Variants in STRIP2 observed in about 807,000 individuals in gnomAD.
The protein encoded by STRIP2 is striatin-interacting protein 2.
In STRIP2, 84 loss-of-function variants were observed where a neutral mutation model predicts 107.1. The observed-to-expected ratio is 0.78, with a 90% CI of 0.66 to 0.94. The LOEUF (loss-of-function observed/expected upper bound fraction) is 0.94. Ranked by LOEUF, STRIP2 falls within the 40% of genes least tolerant of loss-of-function variation. The probability of loss-of-function intolerance (pLI) is 0.00; values close to 1 mark genes in which losing one functional copy is unlikely to be tolerated. For missense variants in STRIP2, 888 were observed against 1,034.2 expected, an observed-to-expected ratio of 0.86 and a Z score of 1.94; for synonymous variants, 394 against 400.4, an observed-to-expected ratio of 0.98 and a Z score of 0.19.
intron 2 of STRIP2, among the ~76,000 whole-genome samples, chr7:129,443,461 T>G (rs1253172827): frequency 6.7e-6 from 1 of 149,618 alleles, no homozygotes; most frequent in Non-Finnish European, 1.5e-5. Context: ...TTCTCTAGAG[T>G]TTTTTTTGCA....
At chr7:129,472,775 C>T (rs79719343) in intron 18 of STRIP2, among the ~76,000 whole-genome samples, 40 of 68,798 alleles carry the variant, frequency 5.8e-4, no homozygotes, top group Admixed American at 1.9e-3. Flanking sequence ...CTTTTCTTTT[C>T]CTTTTTTTTT....
At chr7:129,459,725 G>A in intron 12 of STRIP2, 145 bp downstream of exon 12, 1 of 589,986 alleles carries the variant, frequency 1.7e-6, no homozygotes, top group Non-Finnish European at 3.0e-6. Flanking sequence ...TGGCCAAATA[G>A]GAAAAATTAG....
chr7:129,457,118 A>AG (rs1292398338), intron 9 of STRIP2, among the ~76,000 whole-genome samples: 1 of 151,988 alleles, frequency 6.6e-6, no homozygotes, highest in East Asian at 1.9e-4. Flanking sequence ...ATGACTGGGT[A>AG]GGGGTCTATG....
At chr7:129,438,641 G>T (rs1006978295) in intron 1 of STRIP2, among the ~76,000 whole-genome samples, 2 of 152,098 alleles carry the variant, frequency 1.3e-5, no homozygotes, top group African/African-American at 4.8e-5. Context: ...CCTAGAATTA[G>T]CACAGACCCC....
Position 129,434,662 on chromosome 7 carries a change from C to A in STRIP2, c.129+61C>A, listed in dbSNP as rs1797681715. 2.8e-6 allele frequency: 4 copies of A among 1,417,150 alleles called. 1 individual carries two copies. The East Asian group carries it at 1.2e-4, about 42-fold the overall frequency. The allele number at this position is 1,417,150 out of a possible 1,614,324, so 87.8% of individuals were successfully genotyped here. ...GACGCCCGCCGGCGGGAAGCGGCGGCTGAGGTGATTCGGCCTCGGCCCCGG... is the reference window on the plus strand; with the variant it reads ...GACGCCCGCCGGCGGGAAGCGGCGGATGAGGTGATTCGGCCTCGGCCCCGG... On this transcript the variant is annotated intron_variant, in intron 1 of 20. Coordinates refer to ENST00000249344, the MANE Select transcript of STRIP2 (RefSeq NM_020704.3).
At chr7:129,485,511 C>G (rs10500117) in intron 20 of STRIP2, 68 bp from the exon 21 acceptor site, 582,292 of 1,570,056 alleles carry the variant, frequency 0.37, 112,044 homozygotes, top group East Asian at 0.62. Context: ...TCCCATAGAC[C>G]ATGCTCTGTG....
At chr7:129,437,840 C>G (rs1050243930) in intron 1 of STRIP2, among the ~76,000 whole-genome samples, 3 of 144,692 alleles carry the variant, frequency 2.1e-5, no homozygotes, top group Non-Finnish European at 4.5e-5. Flanking sequence ...GAGTCTCACT[C>G]TGTCACCCAG....
At chr7:129,478,856 T>C (rs1799040999) in intron 18 of STRIP2, among the ~76,000 whole-genome samples, 1 of 152,202 alleles carries the variant, frequency 6.6e-6, no homozygotes, top group African/African-American at 2.4e-5. Context: ...ATATTATTCT[T>C]TGAGATACTG....
chr7:129,480,813 G>C lies in STRIP2; in HGVS notation c.1973G>C (p.Trp658Ser). Residue 658 changes from tryptophan to serine, a missense_variant, in exon 19 of 21, where the codon TGG (tryptophan) becomes TCG (serine). Trp to Ser is a radical substitution (Grantham distance 177). Transcript: ENST00000249344. ...GCTGGAGACAACAGCCAGTTCTGCT[G>C]GAGGAACCTCTTTTCCTGCATCAAC... ...LEAGDNSQFC[W>S]RNLFSCINLL... is the part of the protein sequence containing the mutation. The C allele has an allele frequency of 6.2e-7, 1 of 1,613,950 alleles. No individual in the cohort carries two copies. Among genetic ancestry groups the C allele is most frequent in the Non-Finnish European group, 8.5e-7 (1 of 1,179,932 alleles).
chr7:129,485,567 T>C lies in STRIP2; in HGVS notation c.2255-12T>C, dbSNP rs1368947077. 2 of 1,613,616 alleles carry C rather than the reference T, an allele frequency of 1.2e-6. No individual in the cohort carries two copies. Among genetic ancestry groups the C allele is most frequent in the Non-Finnish European group, 8.5e-7 (1 of 1,179,792 alleles). On this transcript the variant is annotated splice_polypyrimidine_tract_variant and intron_variant, in intron 20 of 20. Coordinates refer to ENST00000249344, the MANE Select transcript of STRIP2 (RefSeq NM_020704.3). ...CATTGTATGTCTTCTTCTTCCTCTC[T>C]TTCCAACACAGACATCGATGCCAGA...
chr7:129,434,527 A>T lies in STRIP2; in HGVS notation c.55A>T (p.Asn19Tyr), dbSNP rs1181437382. The stretch of plus-strand genomic sequence containing the variant: ...GGGCCCGCCCGCAAATGGCAATGGC[A>T]ACGGCGGCGGCAAAGGGAAGCAGGC... ...TGGPPANGNG[N>Y]GGGKGKQAAP... The change falls in exon 1 of 21, where the codon AAC becomes TAC. Residue 19 changes from asparagine to tyrosine, a missense_variant. By Grantham distance (143) the Asn-to-Tyr change is moderately radical (BLOSUM62 -2). Coordinates refer to ENST00000249344, the MANE Select transcript of STRIP2 (RefSeq NM_020704.3). 1 of 1,518,668 alleles carries T rather than the reference A, an allele frequency of 6.6e-7. No individual in the cohort carries two copies. Among genetic ancestry groups the T allele is most frequent in the Admixed American group, 2.0e-5 (1 of 49,966 alleles). 94.1% of individuals were successfully genotyped at this position (1,518,668 alleles called of 1,614,324 possible). A position where few individuals can be genotyped will look rare whatever the true frequency, so the allele number is the denominator to read the frequency against.
Position 129,483,448 on chromosome 7 carries a change from G to A in STRIP2, c.2254+402G>A. ...ATTTATGCCATATTTGTACTATGCA[G>A]AAATTGCCACCATTAACATCTTATT... On this transcript the variant is annotated intron_variant, in intron 20 of 20. Coordinates refer to ENST00000249344, the MANE Select transcript of STRIP2 (RefSeq NM_020704.3). This position sits in a 1 kb window ranked among gnomAD's most constrained non-coding sequence, Gnocchi z 5.1. The A allele has an allele frequency of 1.9e-6, 1 of 528,650 alleles. No individual in the cohort carries two copies. Among genetic ancestry groups the A allele is most frequent in the East Asian group, 1.3e-4 (1 of 7,706 alleles). 32.7% of individuals were successfully genotyped at this position (528,650 alleles called of 1,614,324 possible).
intron 2 of STRIP2, among the ~76,000 whole-genome samples, 188 bp from the exon 3 acceptor site, chr7:129,443,836 G>C (rs1797964825): frequency 6.6e-6 from 1 of 152,236 alleles, no homozygotes; most frequent in Admixed American, 6.5e-5. Context: ...GGACAGGTTT[G>C]ATGGTTTAAT....
At chr7:129,477,207 G>GGAGGGAGAGGGGGAGGGGGAGGGA (rs1379308837) in intron 18 of STRIP2, among the ~76,000 whole-genome samples, 1 of 7,924 alleles carries the variant, frequency 1.3e-4, no homozygotes, top group African/African-American at 1.7e-4. Context: ...AGGGGGAGGG[G>GGAGGGAGAGGGGGAGGGGGAGGGA]GAGGGGGAGG....
chr7:129,448,055 A>G (rs1352292277), intron 3 of STRIP2, among the ~76,000 whole-genome samples: 2 of 152,188 alleles, frequency 1.3e-5, no homozygotes, highest in African/African-American at 4.8e-5. Context: ...CCACCATAGT[A>G]ACGCTCACCC....
rs544536095 is a variant in STRIP2 at position 129,486,996 on chromosome 7, C to CT, written c.*1201dup. ...TTTCTGATTTAGTTAGGATCATATGCTTTTTTTTTTTTTTTTTTTTTTTTT... is the reference window on the plus strand; with the variant it reads ...TTTCTGATTTAGTTAGGATCATATGCTTTTTTTTTTTTTTTTTTTTTTTTTT... On this transcript the variant is annotated 3_prime_UTR_variant, in exon 21 of 21. Coordinates refer to ENST00000249344, the MANE Select transcript of STRIP2 (RefSeq NM_020704.3). 3.0e-3 allele frequency: 161 copies of CT among 53,200 alleles called. 19 individuals are homozygous for CT. Among genetic ancestry groups the CT allele is most frequent in the African/African-American group, 4.6e-3 (56 of 12,218 alleles). The allele number at this position is 53,200 out of a possible 1,614,324, so 3.3% of individuals were successfully genotyped here.
At chr7:129,442,707 A>G (rs891555963) in intron 2 of STRIP2, among the ~76,000 whole-genome samples, 1 of 152,218 alleles carries the variant, frequency 6.6e-6, no homozygotes, top group African/African-American at 2.4e-5. Context: ...GAAGAATTTA[A>G]GATTCAGTGA....
chr7:129,443,381 T>G (rs1470475788), intron 2 of STRIP2, among the ~76,000 whole-genome samples: 1 of 152,206 alleles, frequency 6.6e-6, no homozygotes, highest in Non-Finnish European at 1.5e-5. Context: ...TTTTGCATTT[T>G]GTATTGAGAG....
intron 16 of STRIP2, among the ~76,000 whole-genome samples, chr7:129,466,341 T>G (rs1798670672): frequency 6.6e-6 from 1 of 152,148 alleles, no homozygotes; most frequent in Non-Finnish European, 1.5e-5. Context: ...ATAAATAACC[T>G]TCCAGGGAGA....
Sources: allele counts gnomAD v4.1 joint callset (sites outside exome capture counted in the v4.1 genomes callset), GRCh38; gene constraint gnomAD v4.1.1; non-coding constraint Gnocchi (gnomAD v3.1); transcripts MANE v1.5; gene names NCBI Gene and HGNC (gene_info 2026-07-23, HGNC 2026-07-21).